The following HECTD4 variants were observed in gnomAD, a reference collection of about 807,000 sequenced individuals.
The protein encoded by HECTD4 is probable E3 ubiquitin-protein ligase HECTD4.
HECTD4 carries 114 observed loss-of-function variants against 471.5 expected under a neutral mutation model. The observed-to-expected ratio is 0.24, with a 90% CI of 0.21 to 0.28. HECTD4 has a LOEUF of 0.28. Among genes scored for constraint, HECTD4 ranks in the 10% least tolerant of loss-of-function variants. The pLI is 1.00. For synonymous variants in HECTD4, 2,012 were observed against 2,256.0 expected (o/e 0.89, Z 3.07); for missense variants, 3,866 against 5,651.5 (o/e 0.68, Z 10.13).
Position 112,200,656 on chromosome 12 carries a change from G to A in HECTD4, c.8549C>T (p.Thr2850Ile), listed in dbSNP as rs1664654801. The A allele has an allele frequency of 1.2e-6, 2 of 1,613,310 alleles. No homozygotes were observed. The highest frequency in any genetic ancestry group is 1.7e-6 in the Non-Finnish European group (2 of 1,179,628). Residue 2850 changes from threonine to isoleucine, a missense_variant, in exon 55 of 76, where the codon ACC becomes ATC. Physicochemically the swap from Thr to Ile is moderately conservative, Grantham distance 89. Coordinates refer to ENST00000682272, the MANE Select transcript of HECTD4 (RefSeq NM_001388303.1). ...ATNGLVTLDNTNLQIHRELLR... is the reference protein window; with the variant it reads ...ATNGLVTLDNINLQIHRELLR... ...ATTGTACCTGTGAATTTGAAGGTTG[G>A]TATTGTCCAGTGTGACCAGCCCATT...
Position 112,166,983 on chromosome 12 carries a change from C to A in HECTD4, c.12534+334G>T, listed in dbSNP as rs1332330143. 4 of 219,056 alleles carry A rather than the reference C, an allele frequency of 1.8e-5. No homozygotes were observed. Among genetic ancestry groups the A allele is most frequent in the Non-Finnish European group, 3.6e-5 (4 of 112,364 alleles). 13.6% of individuals were successfully genotyped at this position (219,056 alleles called of 1,614,324 possible). A position where few individuals can be genotyped will look rare whatever the true frequency, so the allele number is the denominator to read the frequency against. On this transcript the variant is annotated intron_variant, in intron 72 of 75. Transcript: ENST00000682272. The surrounding 1 kb of genome is among the most constrained non-coding windows in gnomAD (Gnocchi z 4.6). ...CCTGTGCTCTGAGTCCCTGAAAAAACTCTTAACCTTCACCCCTACAGCTGT... is the reference window on the plus strand; with the variant it reads ...CCTGTGCTCTGAGTCCCTGAAAAAAATCTTAACCTTCACCCCTACAGCTGT...
At chr12:112,214,122 T>C (rs1233268844) in intron 48 of HECTD4, among the ~76,000 whole-genome samples, 3 of 152,210 alleles carry the variant, frequency 2.0e-5, no homozygotes, top group Admixed American at 2.0e-4. Context: ...TTCCTACTTA[T>C]AAGCATTTAA....
intron 1 of HECTD4, among the ~76,000 whole-genome samples, chr12:112,334,583 AG>A (rs941002236): frequency 4.7e-5 from 7 of 149,068 alleles, no homozygotes; most frequent in Non-Finnish European, 8.9e-5. Context: ...TCACGAGGTC[AG>A]GAGTTCGAGA....
At chr12:112,275,988 C>A (rs1294992173) in intron 9 of HECTD4, among the ~76,000 whole-genome samples, 3 of 152,288 alleles carry the variant, frequency 2.0e-5, no homozygotes, top group South Asian at 4.1e-4. Context: ...CCACAATGAG[C>A]CTTTCTTTCT....
In HECTD4 at chr12:112,171,158, A is replaced by G. The variant is rs760675101; in HGVS notation, c.11891T>C (p.Met3964Thr). 5 of 1,613,618 alleles carry G rather than the reference A, an allele frequency of 3.1e-6. No individual in the cohort carries two copies. Among genetic ancestry groups the G allele is most frequent in the Admixed American group, 1.7e-5 (1 of 59,984 alleles). The change falls in exon 68 of 76, where the codon ATG becomes ACG. Residue 3964 changes from methionine to threonine, a missense_variant. This residue lies in a region of HECTD4 where 715 missense variants were observed against 1,087.6 expected (regional missense o/e 0.66). Transcript: ENST00000682272. ...CAGGGCGGCGATGCTGTGGGTATAC[A>G]TGGGTGTCTGGCGCAGCTCCACCAG... ...LPLVELRQTP[M>T]YTHSIAALLK...
intron 54 of HECTD4, chr12:112,203,361 T>C (rs2032485771): frequency 3.3e-6 from 1 of 303,738 alleles, no homozygotes. Flanking sequence ...AGTTTGAACA[T>C]GTCGGACAGA....
chr12:112,285,144 GT>G (rs1435432861), intron 7 of HECTD4, among the ~76,000 whole-genome samples: 2 of 152,072 alleles, frequency 1.3e-5, no homozygotes, highest in African/African-American at 4.8e-5. Flanking sequence ...AGCCTGGTTT[GT>G]TTCTTTTTAA....
chr12:112,236,637 G>T (rs1310181403), intron 35 of HECTD4, among the ~76,000 whole-genome samples: 1 of 152,168 alleles, frequency 6.6e-6, no homozygotes, highest in East Asian at 1.9e-4. Flanking sequence ...TACAATGAGG[G>T]TAAGATTTTT....
intron 1 of HECTD4, among the ~76,000 whole-genome samples, chr12:112,379,440 T>G (rs1176845775): frequency 6.6e-6 from 1 of 152,248 alleles, no homozygotes; most frequent in African/African-American, 2.4e-5. Flanking sequence ...ATGCCTGTAA[T>G]CCCAGCACTT....
intron 11 of HECTD4, among the ~76,000 whole-genome samples, 163 bp from the exon 12 acceptor site, chr12:112,270,622 T>C (rs2285809): frequency 0.16 from 23,599 of 152,216 alleles, 2,446 homozygotes; most frequent in African/African-American, 0.3. Flanking sequence ...CCACAGGTGC[T>C]GGGGTGAAAA....
intron 2 of HECTD4, among the ~76,000 whole-genome samples, chr12:112,316,174 C>T (rs2035474815): frequency 6.6e-6 from 1 of 152,082 alleles, no homozygotes; most frequent in Admixed American, 6.6e-5. Flanking sequence ...ACTGTGCTGT[C>T]CCCTCAGATA....
Position 112,208,019 on chromosome 12 carries a change from T to G in HECTD4, c.8005-19A>C. 6.2e-7 allele frequency: 1 copy of G among 1,609,898 alleles called. No homozygotes were observed. Among genetic ancestry groups the G allele is most frequent in the Non-Finnish European group, 8.5e-7 (1 of 1,177,944 alleles). On this transcript the variant is annotated intron_variant, in intron 51 of 75. Transcript: ENST00000682272. ...GGTCCTCCTGGAAGCAGAAGGAACC[T>G]CATGAACAGAGAAGGAATATCTGGT...
At position 112,264,208 on chromosome 12, in the gene HECTD4, G is replaced by C; in HGVS notation, c.2624C>G (p.Ala875Gly). Residue 875 changes from alanine to glycine, a missense_variant, in exon 17 of 76, where the codon GCA becomes GGA. Physicochemically the swap from Ala to Gly is moderately conservative, Grantham distance 60 (BLOSUM62 0). This residue lies in a region of HECTD4 where 525 missense variants were observed against 672.6 expected (regional missense o/e 0.78). Transcript: ENST00000682272. ...FQKLLSTVPA[A>G]SSCLRYLMAV... ...CATCAGATAGCGCAGGCAGGAGGATGCAGCCTTTAATACAAATAAGGGCAT... is the reference window on the plus strand; with the variant it reads ...CATCAGATAGCGCAGGCAGGAGGATCCAGCCTTTAATACAAATAAGGGCAT... 1 of 1,591,804 alleles carries C rather than the reference G, an allele frequency of 6.3e-7. No individual in the cohort carries two copies. Among genetic ancestry groups the C allele is most frequent in the African/African-American group, 1.3e-5 (1 of 74,648 alleles).
intron 2 of HECTD4, among the ~76,000 whole-genome samples, chr12:112,315,340 C>T (rs186083956): frequency 3.0e-4 from 46 of 152,310 alleles, no homozygotes; most frequent in Admixed American, 7.8e-4. Flanking sequence ...TATGCCTAAA[C>T]GCCAATAGAA....
At chr12:112,164,064 G>A in intron 73 of HECTD4, 45 bp downstream of exon 73, 1 of 1,382,006 alleles carries the variant, frequency 7.2e-7, no homozygotes, top group Non-Finnish European at 9.4e-7. Flanking sequence ...CTGGCTGGCT[G>A]GCCGGGCCAG....
At chr12:112,347,144 A>G (rs1677048311) in intron 1 of HECTD4, among the ~76,000 whole-genome samples, 1 of 151,806 alleles carries the variant, frequency 6.6e-6, no homozygotes, top group Non-Finnish European at 1.5e-5. Context: ...ATATTTCAGG[A>G]AGGAGGAGCA....
Position 112,235,227 on chromosome 12 carries a change from T to A in HECTD4, c.5765A>T (p.Asp1922Val). 6.2e-7 allele frequency: 1 copy of A among 1,614,024 alleles called. No individual in the cohort carries two copies. Among genetic ancestry groups the A allele is most frequent in the Non-Finnish European group, 8.5e-7 (1 of 1,179,888 alleles). ...GGGACTGGTTTTTGTCAATGTGGTGTCAGGTTCAGAAGCGGTTGGAGAAAG... is the reference window on the plus strand; with the variant it reads ...GGGACTGGTTTTTGTCAATGTGGTGACAGGTTCAGAAGCGGTTGGAGAAAG... Reference protein sequence around the residue: ...TVLSPTASEPDTTLTKTSPKN... With the variant: ...TVLSPTASEPVTTLTKTSPKN... Residue 1922 changes from aspartate (D) to valine (V), a missense_variant, in exon 37 of 76, where the codon GAC (aspartate) becomes GTC (valine). Physicochemically the swap from Asp to Val is radical, Grantham distance 152. Coordinates refer to ENST00000682272, the MANE Select transcript of HECTD4 (RefSeq NM_001388303.1). The surrounding 1 kb of genome is among the most constrained non-coding windows in gnomAD (Gnocchi z 5.0).
chr12:112,168,349 C>T (rs2031065768), intron 70 of HECTD4, among the ~76,000 whole-genome samples: 1 of 152,214 alleles, frequency 6.6e-6, no homozygotes, highest in African/African-American at 2.4e-5. Flanking sequence ...AGCACTGCCT[C>T]CCCCAGTGCC....
At position 112,216,834 on chromosome 12, in the gene HECTD4, T is replaced by C. The variant is rs757834354; in HGVS notation, c.7324A>G (p.Thr2442Ala). The C allele has an allele frequency of 4.3e-6, 7 of 1,613,896 alleles. No homozygotes were observed. The highest frequency in any genetic ancestry group is 2.2e-5 in the South Asian group (2 of 91,088). Reference sequence around the variant, plus strand: ...GCCCCATCTCGCTTCTCTGCTTCTGTAGTGAAGCCAAAGGAAACTATGGGT... The same window carrying C: ...GCCCCATCTCGCTTCTCTGCTTCTGCAGTGAAGCCAAAGGAAACTATGGGT... The part of the protein sequence containing the change: ...TGPIVSFGFT[T>A]EAEKRDGAWT... The change falls in exon 47 of 76, where the codon ACA becomes GCA. Residue 2442 changes from threonine to alanine, a missense_variant. Thr to Ala is a moderately conservative substitution (Grantham distance 58). This residue lies in a region of HECTD4 where 617 missense variants were observed against 915.1 expected (regional missense o/e 0.67). Coordinates refer to ENST00000682272, the MANE Select transcript of HECTD4 (RefSeq NM_001388303.1).
Sources: gnomAD v4.1 joint callset for allele counts (sites outside exome capture counted in the v4.1 genomes callset) on GRCh38, gnomAD v4.1.1 for gene constraint, gnomAD v4.1.1 regional missense constraint, Gnocchi (gnomAD v3.1) non-coding constraint, MANE v1.5 for transcripts, NCBI Gene and HGNC (gene_info 2026-07-23, HGNC 2026-07-21) for gene names.